Variants in KCNH5 observed in about 807,000 individuals in gnomAD.
KCNH5 encodes the protein potassium voltage-gated channel subfamily H member 5.
In KCNH5, 46 loss-of-function variants were observed where a neutral mutation model predicts 96.1. That is an observed-to-expected ratio of 0.48 (90% confidence interval 0.38 to 0.61). KCNH5 has a LOEUF of 0.61. KCNH5 is among the 20% of genes least tolerant of loss of function. The probability of loss-of-function intolerance (pLI) is 0.00; values close to 1 mark genes in which losing one functional copy is unlikely to be tolerated. For missense variants in KCNH5, 907 were observed against 1,225.8 expected (o/e 0.74, Z 3.88); for synonymous variants, 439 against 449.8 (o/e 0.98, Z 0.30).
intron 4 of KCNH5, among the ~76,000 whole-genome samples, chr14:62,991,173 A>G (rs1890802102): frequency 6.6e-6 from 1 of 152,122 alleles, no homozygotes; most frequent in Non-Finnish European, 1.5e-5. Flanking sequence ...GAATGAATTA[A>G]TGATGATTAA....
intron 10 of KCNH5, among the ~76,000 whole-genome samples, chr14:62,759,009 G>T (rs1017980308): frequency 6.6e-6 from 1 of 152,064 alleles, no homozygotes; most frequent in Admixed American, 6.5e-5. Context: ...TGATTTTATT[G>T]TCCTGTATTT....
At chr14:62,731,972 C>T (rs984810499) in intron 10 of KCNH5, among the ~76,000 whole-genome samples, 5 of 152,164 alleles carry the variant, frequency 3.3e-5, no homozygotes, top group Non-Finnish European at 7.4e-5. Context: ...CACATGTGAT[C>T]GTGTAGAAAC....
intron 7 of KCNH5, among the ~76,000 whole-genome samples, chr14:62,872,607 C>T (rs939510994): frequency 1.3e-5 from 2 of 151,888 alleles, no homozygotes; most frequent in African/African-American, 2.4e-5. Flanking sequence ...GCAGGAGAAC[C>T]GCTTGAATCT....
rs141806791 is a variant in KCNH5, at chr14:62,699,652, G to A, written c.*7856C>T. 132 of 152,184 alleles carry A rather than the reference G, an allele frequency of 8.7e-4. No homozygotes were observed. The highest frequency in any genetic ancestry group is 2.7e-3 in the African/African-American group (112 of 41,548). 9.4% of individuals were successfully genotyped at this position (152,184 alleles called of 1,614,324 possible). ...AAATGACCATTTTTTGAGAACAAAC[G>A]TTAAATAAAGTGATAATCACCACAA... On this transcript the variant is annotated 3_prime_UTR_variant, in exon 11 of 11. Transcript: ENST00000322893.
chr14:62,976,848 G>C (rs1490240694), intron 6 of KCNH5, among the ~76,000 whole-genome samples: 1 of 152,180 alleles, frequency 6.6e-6, no homozygotes, highest in Non-Finnish European at 1.5e-5. Context: ...AGAGTAAAGA[G>C]AGGTTTGTTT....
chr14:62,741,826 T>G (rs1017391539), intron 10 of KCNH5, among the ~76,000 whole-genome samples: 1 of 152,180 alleles, frequency 6.6e-6, no homozygotes. Flanking sequence ...AAAGAAAGAA[T>G]AGCATTAGTG....
rs937639524 is a variant in KCNH5, at chr14:62,706,460, TTTCA to T, written c.*1044_*1047del. The stretch of plus-strand genomic sequence containing the variant: ...CATGTGTCAACAATCCGTACCAGTG[TTTCA>T]TTCTTTCTAAGTTATATACATGCCA... On this transcript the variant is annotated 3_prime_UTR_variant, in exon 11 of 11. Coordinates refer to ENST00000322893, the MANE Select transcript of KCNH5 (RefSeq NM_139318.5). The T allele has an allele frequency of 6.6e-6, 1 of 152,212 alleles. No individual in the cohort carries two copies. The highest frequency in any genetic ancestry group is 2.4e-5 in the African/African-American group (1 of 41,466). 9.4% of individuals were successfully genotyped at this position (152,212 alleles called of 1,614,324 possible). A position where few individuals can be genotyped will look rare whatever the true frequency, so the allele number is the denominator to read the frequency against.
intron 9 of KCNH5, among the ~76,000 whole-genome samples, chr14:62,780,828 T>C (rs1428022997): frequency 6.6e-6 from 1 of 152,170 alleles, no homozygotes; most frequent in Non-Finnish European, 1.5e-5. Context: ...TCAACTGCAT[T>C]CTTTGTTCAA....
intron 9 of KCNH5, among the ~76,000 whole-genome samples, chr14:62,787,799 A>G (rs1207675832): frequency 2.0e-5 from 3 of 152,188 alleles, no homozygotes; most frequent in Non-Finnish European, 4.4e-5. Context: ...ATGACAGTGC[A>G]TCTGTTTATA....
intron 4 of KCNH5, among the ~76,000 whole-genome samples, chr14:62,997,295 G>A (rs1032084238): frequency 6.6e-6 from 1 of 151,732 alleles, no homozygotes. Context: ...GGAGTAAGAT[G>A]GGGAGATGGT....
At chr14:62,924,507 G>C (rs1889436435) in intron 7 of KCNH5, among the ~76,000 whole-genome samples, 1 of 151,892 alleles carries the variant, frequency 6.6e-6, no homozygotes, top group African/African-American at 2.4e-5. Context: ...ATTTTGAAGA[G>C]GTAGTTGCAC....
At chr14:62,755,253 G>A (rs982288618) in intron 10 of KCNH5, among the ~76,000 whole-genome samples, 3 of 152,020 alleles carry the variant, frequency 2.0e-5, no homozygotes, top group African/African-American at 7.2e-5. Flanking sequence ...AAAGGATAAA[G>A]TATAACCAAT....
chr14:62,892,198 A>G (rs1888724077), intron 7 of KCNH5, among the ~76,000 whole-genome samples: 1 of 152,244 alleles, frequency 6.6e-6, no homozygotes, highest in Admixed American at 6.5e-5. Context: ...AGAACTAGTT[A>G]AAAGTGTTCC....
chr14:62,968,227 T>C (rs567044248), intron 6 of KCNH5, among the ~76,000 whole-genome samples: 19 of 152,230 alleles, frequency 1.2e-4, no homozygotes, highest in Non-Finnish European at 2.2e-4. Context: ...AGGCTGACTC[T>C]TACCCTTTCT....
At chr14:62,960,700 T>C (rs943721945) in intron 6 of KCNH5, among the ~76,000 whole-genome samples, 80 of 152,196 alleles carry the variant, frequency 5.3e-4, no homozygotes, top group African/African-American at 1.9e-3. Context: ...ACTACATTTG[T>C]TATCTGAACC....
At chr14:62,757,611 C>CA (rs533610629) in intron 10 of KCNH5, among the ~76,000 whole-genome samples, 7,706 of 118,914 alleles carry the variant, frequency 0.065, 220 homozygotes, top group Non-Finnish European at 0.079. Context: ...ACTATTCAGC[C>CA]AAAAAAAAAA....
chr14:62,932,152 T>C (rs919178295), intron 7 of KCNH5, among the ~76,000 whole-genome samples: 3 of 152,140 alleles, frequency 2.0e-5, no homozygotes, highest in African/African-American at 4.8e-5. Flanking sequence ...TTCCGAGGCA[T>C]CTGCATAAAG....
rs187590012 is a variant in KCNH5, at chr14:63,029,193, T to C, written c.74-12239A>G. 1.7e-3 allele frequency among the ~76,000 whole-genome samples: 254 copies of C among 152,298 alleles called. 1 individual carries two copies. Among genetic ancestry groups the C allele is most frequent in the African/African-American group, 5.7e-3 (237 of 41,570 alleles). The stretch of plus-strand genomic sequence containing the variant: ...AGCAGACATGGTGCTAAGTCTACTT[T>C]ATATGAGATGTTATCAAGTGGTAAA... On this transcript the variant is annotated intron_variant, in intron 1 of 10. Transcript: ENST00000322893.
chr14:62,792,292 C>A (rs1012694329), intron 9 of KCNH5, among the ~76,000 whole-genome samples: 1 of 151,288 alleles, frequency 6.6e-6, no homozygotes. Flanking sequence ...TAATTCTTAT[C>A]TATTAAAAAA....
Sources: allele counts gnomAD v4.1 joint callset (sites outside exome capture counted in the v4.1 genomes callset), GRCh38; gene constraint gnomAD v4.1.1; transcripts MANE v1.5; gene names NCBI Gene and HGNC (gene_info 2026-07-23, HGNC 2026-07-21).